The following SIPA1L1 variants were observed in gnomAD, a reference collection of about 807,000 sequenced individuals.
SIPA1L1 encodes signal-induced proliferation-associated 1-like protein 1.
In SIPA1L1, 26 loss-of-function variants were observed where a neutral mutation model predicts 162.7. That is an observed-to-expected ratio of 0.16 (90% CI 0.12 to 0.22). The LOEUF (loss-of-function observed/expected upper bound fraction) is 0.22, where lower values mean the gene tolerates loss of function less well. SIPA1L1 is among the 10% of genes least tolerant of loss of function. The pLI is 1.00. For missense variants in SIPA1L1, 1,874 were observed against 2,241.0 expected (o/e 0.84, Z 3.31); for synonymous variants, 829 against 837.4 (o/e 0.99, Z 0.17).
At chr14:71,698,625 G>T (rs1269939673) in intron 13 of SIPA1L1, among the ~76,000 whole-genome samples, 2 of 152,192 alleles carry the variant, frequency 1.3e-5, no homozygotes, top group Non-Finnish European at 2.9e-5. Context: ...GGAATTAATT[G>T]CTATGTTAAT....
intron 4 of SIPA1L1, among the ~76,000 whole-genome samples, chr14:71,560,723 T>C (rs1339774110): frequency 1.3e-5 from 2 of 152,228 alleles, no homozygotes; most frequent in Non-Finnish European, 2.9e-5. Context: ...TAGTAAAGAA[T>C]TGGGAGAACA....
At chr14:71,651,895 AG>A (rs951881132) in intron 8 of SIPA1L1, among the ~76,000 whole-genome samples, 10 of 152,204 alleles carry the variant, frequency 6.6e-5, no homozygotes, top group African/African-American at 2.4e-4. Flanking sequence ...ACAACTGCAA[AG>A]GCTAGAGGGG....
chr14:71,503,260 C>A (rs1405052939), intron 2 of SIPA1L1, among the ~76,000 whole-genome samples: 1 of 152,178 alleles, frequency 6.6e-6, no homozygotes, highest in Non-Finnish European at 1.5e-5. Context: ...ACTAGAAGGT[C>A]ATGATGGAAT....
At chr14:71,387,884 G>T (rs563162666) in intron 2 of SIPA1L1, among the ~76,000 whole-genome samples, 3 of 152,334 alleles carry the variant, frequency 2.0e-5, no homozygotes, top group Admixed American at 2.0e-4. Context: ...ACCTAAGGCA[G>T]ATGCTTTTGG....
intron 6 of SIPA1L1, 106 bp downstream of exon 6, chr14:71,618,993 C>A: frequency 8.0e-7 from 1 of 1,243,574 alleles, no homozygotes; most frequent in Non-Finnish European, 1.1e-6. Context: ...TTACAGCTGT[C>A]TTTGGAGTAA....
At chr14:71,610,128 T>G (rs1361808861) in intron 5 of SIPA1L1, among the ~76,000 whole-genome samples, 1 of 152,244 alleles carries the variant, frequency 6.6e-6, no homozygotes, top group Non-Finnish European at 1.5e-5. Context: ...AATATTAAAC[T>G]GTGATTTCTA....
At chr14:71,593,075 T>C (rs1011106480) in intron 5 of SIPA1L1, among the ~76,000 whole-genome samples, 2 of 152,204 alleles carry the variant, frequency 1.3e-5, no homozygotes, top group African/African-American at 4.8e-5. Context: ...GTACTGGTGA[T>C]AGAAGTCCAA....
chr14:71,527,922 T>C (rs1374603762), intron 3 of SIPA1L1, among the ~76,000 whole-genome samples: 2 of 152,192 alleles, frequency 1.3e-5, no homozygotes, highest in Non-Finnish European at 2.9e-5. Flanking sequence ...TCTCGCTCTA[T>C]CGTCCAGGCT....
intron 2 of SIPA1L1, among the ~76,000 whole-genome samples, chr14:71,374,439 A>C (rs1271273837): frequency 6.6e-6 from 1 of 151,860 alleles, no homozygotes; most frequent in Admixed American, 6.6e-5. Context: ...TGCACACTAT[A>C]GATTTTTATT....
intron 2 of SIPA1L1, among the ~76,000 whole-genome samples, chr14:71,508,484 A>C (rs1595825580): frequency 1.3e-5 from 2 of 152,174 alleles, no homozygotes; most frequent in Admixed American, 1.3e-4. Context: ...GGAAGTTTGT[A>C]CATGTTTATA....
chr14:71,564,000 T>C (rs1479711601), intron 4 of SIPA1L1, among the ~76,000 whole-genome samples: 6 of 152,256 alleles, frequency 3.9e-5, no homozygotes, highest in Non-Finnish European at 7.3e-5. Context: ...TAGGCTGTAG[T>C]GCAGTGGCAC....
At chr14:71,444,375 A>G (rs1160676189) in intron 2 of SIPA1L1, among the ~76,000 whole-genome samples, 1 of 152,196 alleles carries the variant, frequency 6.6e-6, no homozygotes, top group Non-Finnish European at 1.5e-5. Context: ...TCAAAAAATA[A>G]AAGTATTCCA....
chr14:71,652,859 C>T (rs898199435), intron 8 of SIPA1L1, among the ~76,000 whole-genome samples: 1 of 151,974 alleles, frequency 6.6e-6, no homozygotes, highest in Non-Finnish European at 1.5e-5. Flanking sequence ...TCACGCTGTC[C>T]TTTAGATCCC....
intron 4 of SIPA1L1, among the ~76,000 whole-genome samples, chr14:71,561,418 G>A (rs960002211): frequency 1.3e-5 from 2 of 152,012 alleles, no homozygotes; most frequent in African/African-American, 4.8e-5. Flanking sequence ...CAATCCAATA[G>A]CATTGTACAA....
intron 13 of SIPA1L1, 26 bp downstream of exon 13, chr14:71,685,657 C>T (rs753649267): frequency 8.2e-5 from 132 of 1,610,818 alleles, no homozygotes; most frequent in African/African-American, 8.0e-5. Context: ...AAGGTTTGCT[C>T]TATCTCTCTC....
chr14:71,504,239 G>C (rs1428114400), intron 2 of SIPA1L1, among the ~76,000 whole-genome samples: 1 of 151,884 alleles, frequency 6.6e-6, no homozygotes, highest in Non-Finnish European at 1.5e-5. Flanking sequence ...CATTTTTCCT[G>C]TGCTGTAACA....
Position 71,735,292 on chromosome 14 carries a change from T to G in SIPA1L1, c.5024T>G (p.Phe1675Cys). Residue 1675 changes from phenylalanine to cysteine, a missense_variant, in exon 22 of 24, where the codon TTT (phenylalanine) becomes TGT (cysteine). Phe to Cys is a radical substitution (Grantham distance 205, BLOSUM62 -2). Transcript: ENST00000381232. The part of the protein sequence containing the change: ...AKAYEVQRAS[F>C]FAASDENHRP... The stretch of plus-strand genomic sequence containing the variant: ...TCCTTTCCAGTCCAGAGAGCCTCAT[T>G]TTTTGCTGCTAGTGATGAAAACCAT... 6.2e-7 allele frequency: 1 copy of G among 1,613,826 alleles called. No homozygotes were observed. Among genetic ancestry groups the G allele is most frequent in the Non-Finnish European group, 8.5e-7 (1 of 1,179,688 alleles).
chr14:71,379,430 AG>A (rs1351434438), intron 2 of SIPA1L1: 1 of 151,444 alleles, frequency 6.6e-6, no homozygotes, highest in African/African-American at 2.4e-5. Flanking sequence ...CACCCTCCCA[AG>A]TAGCTATGAC....
At chr14:71,701,841 G>C (rs1035345875) in intron 14 of SIPA1L1, among the ~76,000 whole-genome samples, 2 of 152,086 alleles carry the variant, frequency 1.3e-5, no homozygotes, top group African/African-American at 2.4e-5. Context: ...CAGTTTGAAC[G>C]TGGTTTCTAC....
Sources: gnomAD v4.1 joint callset for allele counts (sites outside exome capture counted in the v4.1 genomes callset) on GRCh38, gnomAD v4.1.1 for gene constraint, MANE v1.5 for transcripts, NCBI Gene and HGNC (gene_info 2026-07-23, HGNC 2026-07-21) for gene names.